Variants in SLIT3 observed in about 807,000 individuals in gnomAD.
The protein encoded by SLIT3 is slit guidance ligand 3, also known as slit homolog 3 protein.
In SLIT3, 68 loss-of-function variants were observed where a neutral mutation model predicts 184.0. The observed-to-expected ratio is 0.37, with a 90% CI of 0.30 to 0.45. The LOEUF is 0.45. Ranked by LOEUF, SLIT3 falls within the 20% of genes least tolerant of loss-of-function variation. SLIT3 has a pLI of 1.00. For missense variants in SLIT3, 1,707 were observed against 2,026.0 expected, an observed-to-expected ratio of 0.84 and a Z score of 3.02; for synonymous variants, 831 against 828.6, an observed-to-expected ratio of 1.00 and a Z score of -0.05.
At chr5:168,669,263 G>C (rs1373039080) in intron 35 of SLIT3, among the ~76,000 whole-genome samples, 4 of 152,214 alleles carry the variant, frequency 2.6e-5, no homozygotes, top group South Asian at 2.1e-4. Context: ...AAGACAAGTG[G>C]CTTACTCTCT....
intron 1 of SLIT3, among the ~76,000 whole-genome samples, chr5:169,276,350 T>C (rs1226910739): frequency 6.6e-6 from 1 of 152,186 alleles, no homozygotes. Context: ...GTGTCGTCAA[T>C]AAGCGGAGAA....
At chr5:168,823,840 C>T (rs77606396) in intron 6 of SLIT3, among the ~76,000 whole-genome samples, 2,149 of 152,272 alleles carry the variant, frequency 0.014, 42 homozygotes, top group South Asian at 0.041. Flanking sequence ...TCCAGCACTA[C>T]CTTGCTGCAT....
intron 4 of SLIT3, among the ~76,000 whole-genome samples, chr5:169,060,991 G>A (rs1460021722): frequency 1.3e-5 from 2 of 152,160 alleles, no homozygotes; most frequent in South Asian, 2.1e-4. Flanking sequence ...TTCCTAAGCT[G>A]GGTGTTTTTG....
chr5:168,898,322 C>A (rs1287185533), intron 4 of SLIT3, among the ~76,000 whole-genome samples: 1 of 151,726 alleles, frequency 6.6e-6, no homozygotes, highest in East Asian at 1.9e-4. Flanking sequence ...GGCTCGAAAT[C>A]AAGAAAAGTG....
At position 169,300,200 on chromosome 5, in the gene SLIT3, C is replaced by T. The variant is rs1767638975; in HGVS notation, c.197+313G>A. 6.6e-6 allele frequency among the ~76,000 whole-genome samples: 1 copy of T among 152,224 alleles called. No homozygotes were observed. The highest frequency in any genetic ancestry group is 2.1e-4 in the South Asian group (1 of 4,830). ...TGACCCTCACCCTAAGACCTTGAGG[C>T]TGCAGTGCTCTTGCCTCCCCTCGCC... On this transcript the variant is annotated intron_variant, in intron 1 of 35. Coordinates refer to ENST00000519560, the MANE Select transcript of SLIT3 (RefSeq NM_003062.4). The surrounding 1 kb of genome is among the most constrained non-coding windows in gnomAD (Gnocchi z 4.1).
intron 4 of SLIT3, among the ~76,000 whole-genome samples, chr5:168,977,898 A>G (rs11952796): frequency 0.064 from 9,735 of 152,176 alleles, 375 homozygotes; most frequent in African/African-American, 0.098. Context: ...TCTTGTCTAC[A>G]CCTCTTCTGC....
At chr5:168,691,574 G>A (rs1427874164) in intron 29 of SLIT3, among the ~76,000 whole-genome samples, 1 of 152,218 alleles carries the variant, frequency 6.6e-6, no homozygotes, top group East Asian at 1.9e-4. Context: ...GCACAGGCAT[G>A]GAGCTCTGGG....
At chr5:168,821,443 G>A (rs960849042) in intron 7 of SLIT3, among the ~76,000 whole-genome samples, 1 of 152,206 alleles carries the variant, frequency 6.6e-6, no homozygotes, top group African/African-American at 2.4e-5. Flanking sequence ...TGCACTCTTG[G>A]CTTCTTGCCC....
At chr5:168,769,899 T>C (rs1397552651) in intron 14 of SLIT3, among the ~76,000 whole-genome samples, 1 of 152,204 alleles carries the variant, frequency 6.6e-6, no homozygotes, top group East Asian at 1.9e-4. Flanking sequence ...TGGACCTCAA[T>C]TTATCCATCT....
intron 4 of SLIT3, among the ~76,000 whole-genome samples, chr5:169,009,405 T>G (rs372196733): frequency 2.0e-5 from 3 of 152,314 alleles, no homozygotes; most frequent in East Asian, 1.9e-4. Context: ...AGGAGTCTGT[T>G]TGCAAACAGG....
chr5:168,997,026 T>G (rs1214347849), intron 4 of SLIT3, among the ~76,000 whole-genome samples: 1 of 152,162 alleles, frequency 6.6e-6, no homozygotes, highest in African/African-American at 2.4e-5. Context: ...GTTAGTGCAC[T>G]CTCAAGAAAT....
chr5:168,855,793 T>C (rs1758841808), intron 5 of SLIT3, among the ~76,000 whole-genome samples: 1 of 152,032 alleles, frequency 6.6e-6, no homozygotes, highest in African/African-American at 2.4e-5. Flanking sequence ...GTTTTAGAAA[T>C]AGACAAAAGT....
At chr5:168,851,264 T>A (rs1758666669) in intron 5 of SLIT3, among the ~76,000 whole-genome samples, 1 of 146,546 alleles carries the variant, frequency 6.8e-6, no homozygotes, top group Non-Finnish European at 1.5e-5. Flanking sequence ...CGGAGCTTGC[T>A]GTGAGCAGAG....
chr5:168,980,655 A>G (rs2113354284), intron 4 of SLIT3, among the ~76,000 whole-genome samples: 1 of 152,350 alleles, frequency 6.6e-6, no homozygotes, highest in East Asian at 1.9e-4. Context: ...CCAGGGCTAC[A>G]AGGCTAAGAA....
At chr5:169,233,996 G>A (rs145444691) in intron 3 of SLIT3, among the ~76,000 whole-genome samples, 2 of 152,264 alleles carry the variant, frequency 1.3e-5, no homozygotes, top group East Asian at 1.9e-4. Context: ...TTCTTAATAT[G>A]TAAAATGCTT....
intron 6 of SLIT3, among the ~76,000 whole-genome samples, chr5:168,826,465 T>A (rs1177336640): frequency 1.3e-5 from 2 of 152,220 alleles, no homozygotes; most frequent in African/African-American, 4.8e-5. Flanking sequence ...GCTGCCTAAG[T>A]AGCTGGCATT....
intron 4 of SLIT3, among the ~76,000 whole-genome samples, chr5:168,910,210 G>A (rs972646109): frequency 6.6e-6 from 1 of 152,186 alleles, no homozygotes; most frequent in African/African-American, 2.4e-5. Flanking sequence ...GTGTTTACAC[G>A]ATATGGAAAC....
In SLIT3 at chr5:168,687,108, C is replaced by T. The variant is rs1761770112; in HGVS notation, c.3185G>A (p.Cys1062Tyr). The change falls in exon 30 of 36, where the codon TGT (cysteine) becomes TAT (tyrosine). Residue 1062 changes from cysteine (C) to tyrosine (Y), a missense_variant. By Grantham distance (194) the Cys-to-Tyr change is radical. Coordinates refer to ENST00000519560, the MANE Select transcript of SLIT3 (RefSeq NM_003062.4). Reference sequence around the variant, plus strand: ...GAGCTTCCCGCTGTAGCCAGGGACACACTCGCAGCTGGAACATAGGCAGAG... The same window carrying T: ...GAGCTTCCCGCTGTAGCCAGGGACATACTCGCAGCTGGAACATAGGCAGAG... ...IPLDKGFSCE[C>Y]VPGYSGKLCE... 6 of 1,613,920 alleles carry T rather than the reference C, an allele frequency of 3.7e-6. No homozygotes were observed. The highest frequency in any genetic ancestry group is 5.1e-6 in the Non-Finnish European group (6 of 1,179,748).
chr5:169,029,876 G>A (rs771438708), intron 4 of SLIT3, among the ~76,000 whole-genome samples: 1 of 152,144 alleles, frequency 6.6e-6, no homozygotes, highest in Non-Finnish European at 1.5e-5. Context: ...CATTCATGAG[G>A]CTCCATTAAT....
Sources: gnomAD v4.1 joint callset for allele counts (sites outside exome capture counted in the v4.1 genomes callset) on GRCh38, gnomAD v4.1.1 for gene constraint, Gnocchi (gnomAD v3.1) non-coding constraint, MANE v1.5 for transcripts, NCBI Gene and HGNC (gene_info 2026-07-23, HGNC 2026-07-21) for gene names.